Variants in WDR47 observed in about 807,000 individuals in gnomAD.
The protein encoded by WDR47 is WD repeat-containing protein 47.
Under a neutral mutation model 97.2 loss-of-function variants are expected in WDR47, and 32 were observed. The ratio of observed to expected loss-of-function variants is 0.33; its 90% CI spans 0.25 to 0.44. The LOEUF is 0.44. WDR47 is among the 20% of genes least tolerant of loss of function. The pLI is 1.00. For missense variants in WDR47, 782 were observed against 1,102.3 expected (o/e 0.71, Z 4.11); for synonymous variants, 375 against 373.5 (o/e 1.00, Z -0.05).
intron 12 of WDR47, among the ~76,000 whole-genome samples, chr1:108,982,258 C>A (rs1021716425): frequency 6.6e-6 from 1 of 152,040 alleles, no homozygotes; most frequent in Non-Finnish European, 1.5e-5. Context: ...CTAGGCCAGG[C>A]ATGGTGGCTC....
intron 1 of WDR47, among the ~76,000 whole-genome samples, chr1:109,034,689 G>C (rs1040294149): frequency 2.6e-5 from 4 of 152,120 alleles, no homozygotes; most frequent in South Asian, 2.1e-4. Context: ...AATGCCTGTT[G>C]ATCTGAGGTA....
At chr1:108,988,292 C>T (rs1659018409) in intron 9 of WDR47, among the ~76,000 whole-genome samples, 1 of 141,942 alleles carries the variant, frequency 7.0e-6, no homozygotes, top group Admixed American at 7.4e-5. Flanking sequence ...ATTAAGTTCT[C>T]TTTAACTATT....
At chr1:109,004,019 C>T (rs1571198293) in intron 6 of WDR47, among the ~76,000 whole-genome samples, 1 of 152,120 alleles carries the variant, frequency 6.6e-6, no homozygotes, top group Non-Finnish European at 1.5e-5. Flanking sequence ...AATCCCAGCA[C>T]TCTGGAAGGC....
chr1:109,030,612 C>CAGAAAAGGT (rs1274932788), intron 1 of WDR47, among the ~76,000 whole-genome samples: 4 of 142,042 alleles, frequency 2.8e-5, no homozygotes, highest in Admixed American at 1.5e-4. Flanking sequence ...CTTTAATCTT[C>CAGAAAAGGT]CAAGTATTAC....
chr1:108,975,349 C>A (rs746661661), intron 13 of WDR47, among the ~76,000 whole-genome samples: 10 of 151,558 alleles, frequency 6.6e-5, no homozygotes, highest in African/African-American at 2.2e-4. Context: ...ACAGGCTGGG[C>A]GCGGTGGCTC....
intron 2 of WDR47, 90 bp from the exon 3 acceptor site, chr1:109,017,691 T>C: frequency 1.1e-6 from 1 of 945,616 alleles, no homozygotes; most frequent in South Asian, 1.5e-5. Flanking sequence ...GCATTCAAAC[T>C]TCATAAAGCA....
intron 1 of WDR47, among the ~76,000 whole-genome samples, chr1:109,039,812 G>C (rs972056283): frequency 1.3e-5 from 2 of 151,940 alleles, no homozygotes; most frequent in Non-Finnish European, 1.5e-5. Context: ...AAGGCGGGTG[G>C]ATCACCTGAG....
intron 5 of WDR47, among the ~76,000 whole-genome samples, chr1:109,007,142 T>C (rs562398131): frequency 2.0e-5 from 3 of 150,156 alleles, no homozygotes; most frequent in African/African-American, 4.9e-5. Flanking sequence ...GTTTTCAACA[T>C]GATGTCCAGG....
At chr1:108,998,021 T>C (rs1301341434) in intron 7 of WDR47, among the ~76,000 whole-genome samples, 2 of 152,172 alleles carry the variant, frequency 1.3e-5, no homozygotes, top group East Asian at 1.9e-4. Context: ...TCAATATTAT[T>C]AGAGGAACTG....
chr1:108,981,195 T>C (rs1051823118), intron 13 of WDR47, among the ~76,000 whole-genome samples: 3 of 151,892 alleles, frequency 2.0e-5, no homozygotes, highest in African/African-American at 7.3e-5. Context: ...CAAGACATCC[T>C]GTTAAGTTTA....
intron 5 of WDR47, 113 bp from the exon 6 acceptor site, chr1:109,004,828 C>G: frequency 7.8e-7 from 1 of 1,275,562 alleles, no homozygotes; most frequent in Non-Finnish European, 1.0e-6. Context: ...TGGAGTCTCT[C>G]TCTGTAGCCC....
At position 108,986,562 on chromosome 1, in the gene WDR47, G is replaced by A. The variant is rs1658835151; in HGVS notation, c.1886C>T (p.Thr629Ile). 1 of 1,613,744 alleles carries A rather than the reference G, an allele frequency of 6.2e-7. No homozygotes were observed. The highest frequency in any genetic ancestry group is 8.5e-7 in the Non-Finnish European group (1 of 1,179,802). ...ATCTGGATAGGCACATACTCTCAGAGTTTTTGAATTTGAACCAACAGCATA... is the reference window on the plus strand; with the variant it reads ...ATCTGGATAGGCACATACTCTCAGAATTTTTGAATTTGAACCAACAGCATA... ...GLYAVGSNSK[T>I]LRVCAYPDVI... is the part of the protein sequence containing the mutation. The change falls in exon 10 of 15, where the codon ACT becomes ATT. Residue 629 changes from threonine (T) to isoleucine (I), a missense_variant. Coordinates refer to ENST00000369962, the MANE Select transcript of WDR47 (RefSeq NM_001142551.2).
intron 14 of WDR47, among the ~76,000 whole-genome samples, chr1:108,972,378 T>C (rs751367022): frequency 1.3e-5 from 2 of 152,138 alleles, no homozygotes; most frequent in Non-Finnish European, 2.9e-5. Flanking sequence ...CTTGCCCCCT[T>C]ACAATCTACT....
chr1:108,986,602 G>T lies in WDR47; in HGVS notation c.1846C>A (p.Pro616Thr). The T allele has an allele frequency of 6.2e-7, 1 of 1,613,714 alleles. No homozygotes were observed. The highest frequency in any genetic ancestry group is 1.3e-5 in the African/African-American group (1 of 75,014). Reference protein sequence around the residue: ...TQAVRAVAFHPAGGLYAVGSN... With the variant: ...TQAVRAVAFHTAGGLYAVGSN... ...CCAACAGCATATAAACCTCCAGCTG[G>T]ATGAAAAGCCACTGCTCTAACAGCT... Residue 616 changes from proline (P) to threonine (T), a missense_variant, in exon 10 of 15, where the codon CCA (proline) becomes ACA (threonine). Pro to Thr is a conservative substitution (Grantham distance 38). Coordinates refer to ENST00000369962, the MANE Select transcript of WDR47 (RefSeq NM_001142551.2).
intron 6 of WDR47, among the ~76,000 whole-genome samples, chr1:109,002,868 T>C (rs1157755408): frequency 1.3e-5 from 2 of 152,168 alleles, no homozygotes; most frequent in African/African-American, 4.8e-5. Flanking sequence ...AAAGGGAATG[T>C]TTACACACTG....
intron 1 of WDR47, among the ~76,000 whole-genome samples, chr1:109,039,090 T>C (rs989734203): frequency 6.6e-6 from 1 of 152,142 alleles, no homozygotes; most frequent in Non-Finnish European, 1.5e-5. Flanking sequence ...ATAATATTCA[T>C]CTGAAGCCAT....
At chr1:108,994,841 A>G (rs558674234) in intron 8 of WDR47, among the ~76,000 whole-genome samples, 1 of 152,346 alleles carries the variant, frequency 6.6e-6, no homozygotes, top group African/African-American at 2.4e-5. Context: ...AAAAATTCAG[A>G]AAAGAATCAA....
chr1:108,989,585 G>C (rs2590999), intron 9 of WDR47, among the ~76,000 whole-genome samples: 35,130 of 152,144 alleles, frequency 0.23, 4,235 homozygotes, highest in Admixed American at 0.3. Flanking sequence ...AAGAGAAAAA[G>C]GGAGGAAAAA....
chr1:108,973,820 G>T (rs1318731853), intron 14 of WDR47, among the ~76,000 whole-genome samples: 1 of 152,044 alleles, frequency 6.6e-6, no homozygotes, highest in Non-Finnish European at 1.5e-5. Context: ...GAGGTCAAGG[G>T]TGTAGTGAGC....
Sources: allele counts gnomAD v4.1 joint callset (sites outside exome capture counted in the v4.1 genomes callset), GRCh38; gene constraint gnomAD v4.1.1; transcripts MANE v1.5; gene names NCBI Gene and HGNC (gene_info 2026-07-23, HGNC 2026-07-21).